Variants in RANBP2 observed in about 807,000 individuals in gnomAD.
RANBP2 encodes the protein RAN binding protein 2, also known as E3 SUMO-protein ligase RanBP2.
Under a neutral mutation model 303.6 loss-of-function variants are expected in RANBP2, and 57 were observed. The observed-to-expected ratio is 0.19, with a 90% CI of 0.15 to 0.23. The LOEUF is 0.23. Ranked by LOEUF, RANBP2 falls within the 10% of genes least tolerant of loss-of-function variation. The pLI is 1.00. For synonymous variants in RANBP2, 1,167 were observed against 1,301.5 expected (o/e 0.90, Z 2.23); for missense variants, 3,138 against 3,780.8 (o/e 0.83, Z 4.46).
chr2:108,892,686 T>C, the RANBP2 span, among the ~76,000 whole-genome samples: 3 of 152,204 alleles, frequency 2.0e-5, no homozygotes, highest in East Asian at 1.9e-4. Flanking sequence ...GGGTCTCTCA[T>C]GGCCAGGATT....
At chr2:109,034,504 A>T in the RANBP2 span, among the ~76,000 whole-genome samples, 1 of 152,132 alleles carries the variant, frequency 6.6e-6, no homozygotes, top group Non-Finnish European at 1.5e-5. Flanking sequence ...AGAGGCGAAG[A>T]AGAAAGACAA....
the RANBP2 span, among the ~76,000 whole-genome samples, chr2:109,402,235 A>G: frequency 6.6e-6 from 1 of 152,228 alleles, no homozygotes. Flanking sequence ...GCGTCTGACC[A>G]GGAAGTGCCT....
At chr2:109,258,254 G>T in the RANBP2 span, among the ~76,000 whole-genome samples, 2 of 152,182 alleles carry the variant, frequency 1.3e-5, no homozygotes, top group African/African-American at 4.8e-5. Context: ...GTTTGTAGGG[G>T]CTGAAGGGAA....
intron 4 of RANBP2, 112 bp from the exon 5 acceptor site, chr2:108,735,420 G>T (rs1695492748): frequency 5.7e-6 from 9 of 1,586,150 alleles, no homozygotes; most frequent in Non-Finnish European, 7.7e-6. Context: ...TGGTGTTTTT[G>T]GTGGCATCAT....
chr2:108,765,053 C>T lies in RANBP2; in HGVS notation c.4514C>T (p.Pro1505Leu), dbSNP rs773526624. ...ACAAAATGTGCTGCTTGTCAGAATC[C>T]GAGAAAACAGAGTCTACCTGCTACT... ...SSTKCAACQN[P>L]RKQSLPATSI... Residue 1505 changes from proline (P) to leucine (L), a missense_variant, in exon 20 of 29, where the codon CCG becomes CTG. By Grantham distance (98) the Pro-to-Leu change is moderately conservative. Coordinates refer to ENST00000283195, the MANE Select transcript of RANBP2 (RefSeq NM_006267.5). The T allele has an allele frequency of 3.1e-5, 50 of 1,613,716 alleles. No individual in the cohort carries two copies. In the South Asian group the frequency reaches 3.4e-4, roughly 11 times the overall value.
chr2:109,357,877 CAG>C, the RANBP2 span, among the ~76,000 whole-genome samples: 3 of 152,304 alleles, frequency 2.0e-5, no homozygotes, highest in Non-Finnish European at 4.4e-5. Context: ...CATCACTCAC[CAG>C]AGTTAGTGCA....
chr2:109,540,241 C>G, the RANBP2 span, among the ~76,000 whole-genome samples: 1 of 152,084 alleles, frequency 6.6e-6, no homozygotes, highest in Non-Finnish European at 1.5e-5. Flanking sequence ...AGGCATTCCC[C>G]GGGTGCACTG....
the RANBP2 span, among the ~76,000 whole-genome samples, chr2:109,443,634 T>C: frequency 6.6e-6 from 1 of 152,204 alleles, no homozygotes; most frequent in African/African-American, 2.4e-5. Context: ...GCAGAATTTA[T>C]AAAAATTATT....
At chr2:109,122,438 C>T in the RANBP2 span, among the ~76,000 whole-genome samples, 1 of 152,350 alleles carries the variant, frequency 6.6e-6, no homozygotes, top group Non-Finnish European at 1.5e-5. Flanking sequence ...TCTGCCATTG[C>T]TGAGGACTGC....
At chr2:108,844,907 C>A in the RANBP2 span, among the ~76,000 whole-genome samples, 1 of 152,072 alleles carries the variant, frequency 6.6e-6, no homozygotes, top group African/African-American at 2.4e-5. Context: ...GCCACCAAGC[C>A]CAGTTAATTT....
chr2:108,865,822 C>T, the RANBP2 span, among the ~76,000 whole-genome samples: 18 of 152,046 alleles, frequency 1.2e-4, no homozygotes, highest in African/African-American at 4.1e-4. Context: ...AGGTAGAGGG[C>T]GGGGTGGCTA....
At chr2:109,188,161 G>A in the RANBP2 span, among the ~76,000 whole-genome samples, 1 of 152,230 alleles carries the variant, frequency 6.6e-6, no homozygotes, top group Admixed American at 6.5e-5. Flanking sequence ...GCAGTGTATT[G>A]ACTTCCCAAG....
chr2:109,667,669 T>C, the RANBP2 span: 1 of 169,364 alleles, frequency 5.9e-6, no homozygotes, highest in African/African-American at 2.4e-5. Context: ...TAACATTCAT[T>C]TGGATCCTGG....
At chr2:109,574,803 T>TTG in the RANBP2 span, 1 of 1,436,424 alleles carries the variant, frequency 7.0e-7, no homozygotes, top group Non-Finnish European at 9.3e-7. Context: ...ACAACATTAT[T>TTG]TGTGCTACCT....
chr2:108,985,329 C>T, the RANBP2 span, among the ~76,000 whole-genome samples: 4 of 152,106 alleles, frequency 2.6e-5, no homozygotes, highest in African/African-American at 9.7e-5. Context: ...TGATTTCGTC[C>T]GACTCACAAG....
chr2:109,101,769 G>T, the RANBP2 span, among the ~76,000 whole-genome samples: 2 of 152,208 alleles, frequency 1.3e-5, no homozygotes, highest in African/African-American at 4.8e-5. Context: ...GACTGCCGGA[G>T]AGAGCCGAGC....
At chr2:109,510,625 G>T in the RANBP2 span, among the ~76,000 whole-genome samples, 1 of 152,162 alleles carries the variant, frequency 6.6e-6, no homozygotes, top group Non-Finnish European at 1.5e-5. Context: ...GTTCCTAGCC[G>T]GGACCAGGGG....
chr2:109,164,593 C>T, the RANBP2 span, among the ~76,000 whole-genome samples: 2 of 152,194 alleles, frequency 1.3e-5, 1 homozygote, highest in Non-Finnish European at 2.9e-5. Context: ...TTCTAGAACT[C>T]AGCCAGGCAG....
chr2:108,726,263 C>T (rs1204156194), intron 1 of RANBP2, among the ~76,000 whole-genome samples: 1 of 152,176 alleles, frequency 6.6e-6, no homozygotes, highest in East Asian at 1.9e-4. Flanking sequence ...CCGCTAGTTA[C>T]ATACTAGTCA....
Sources: allele counts gnomAD v4.1 joint callset (sites outside exome capture counted in the v4.1 genomes callset), GRCh38; gene constraint gnomAD v4.1.1; transcripts MANE v1.5; gene names NCBI Gene and HGNC (gene_info 2026-07-23, HGNC 2026-07-21).